The following UBAC2 variants were observed in gnomAD, a reference collection of about 807,000 sequenced individuals.
The protein encoded by UBAC2 is UBA domain containing 2.
Under a neutral mutation model 44.0 loss-of-function variants are expected in UBAC2, and 26 were observed. The observed-to-expected ratio is 0.59, with a 90% CI of 0.43 to 0.82. The LOEUF is 0.82. Ranked by LOEUF, UBAC2 falls within the 40% of genes least tolerant of loss-of-function variation. UBAC2 has a pLI of 0.00. For missense variants in UBAC2, 329 were observed against 419.4 expected, an observed-to-expected ratio of 0.78 and a Z score of 1.88; for synonymous variants, 155 against 154.3, an observed-to-expected ratio of 1.00 and a Z score of -0.04.
At chr13:99,294,999 G>C in intron 4 of UBAC2, 4 of 1,521,416 alleles carry the variant, frequency 2.6e-6, no homozygotes, top group Non-Finnish European at 3.5e-6. Context: ...TGCTTTATAA[G>C]GGAAGTCCTG....
At chr13:99,212,053 A>C (rs1295093249) in intron 1 of UBAC2, among the ~76,000 whole-genome samples, 4 of 152,188 alleles carry the variant, frequency 2.6e-5, no homozygotes, top group African/African-American at 9.7e-5. Context: ...AGTGCTCTAC[A>C]GTTGTTTTTA....
At chr13:99,338,876 ACT>A (rs1247635507) in intron 6 of UBAC2, among the ~76,000 whole-genome samples, 2 of 151,956 alleles carry the variant, frequency 1.3e-5, no homozygotes, top group African/African-American at 2.4e-5. Flanking sequence ...TGATAACTAA[ACT>A]CTATTTCCCT....
chr13:99,322,004 T>G (rs143721003), intron 6 of UBAC2, among the ~76,000 whole-genome samples: 1 of 152,364 alleles, frequency 6.6e-6, no homozygotes, highest in Non-Finnish European at 1.5e-5. Flanking sequence ...ACCTTTTTCC[T>G]CATTTGACAG....
intron 1 of UBAC2, among the ~76,000 whole-genome samples, chr13:99,210,764 A>T (rs1355837566): frequency 6.6e-6 from 1 of 152,014 alleles, no homozygotes; most frequent in Non-Finnish European, 1.5e-5. Flanking sequence ...GGCTTGAACC[A>T]CCACGCCTGA....
intron 7 of UBAC2, among the ~76,000 whole-genome samples, chr13:99,345,725 G>A (rs192105776): frequency 9.0e-4 from 133 of 147,730 alleles, no homozygotes; most frequent in African/African-American, 3.1e-3. Context: ...GACAGGTACT[G>A]TTTCTTTTTT....
chr13:99,292,137 T>C (rs1650091125), intron 4 of UBAC2, among the ~76,000 whole-genome samples: 1 of 151,870 alleles, frequency 6.6e-6, no homozygotes, highest in African/African-American at 2.4e-5. Flanking sequence ...CTTTTTTTTT[T>C]CTTTTCTTTT....
intron 4 of UBAC2, among the ~76,000 whole-genome samples, chr13:99,257,183 A>T (rs1400075145): frequency 6.6e-6 from 1 of 152,156 alleles, no homozygotes; most frequent in Non-Finnish European, 1.5e-5. Context: ...CTATATATTT[A>T]AAAACATATT....
In UBAC2 at chr13:99,273,338, G is replaced by A. The variant is rs150371999; in HGVS notation, c.389+28714G>A. Among the ~76,000 whole-genome samples the A allele has an allele frequency of 9.3e-4, 141 of 152,244 alleles. 1 individual carries two copies. The highest frequency in any genetic ancestry group is 3.2e-3 in the African/African-American group (133 of 41,538). ...GCAGAGTCAGATTAGGTTAAGAGGG[G>A]CAGTGAGCACCCAGGATAGAGAATC... is the stretch of plus-strand genomic sequence containing the variant. On this transcript the variant is annotated intron_variant, in intron 4 of 8. Transcript: ENST00000403766.
At chr13:99,209,357 CAG>C (rs1399504899) in intron 1 of UBAC2, among the ~76,000 whole-genome samples, 6 of 152,204 alleles carry the variant, frequency 3.9e-5, no homozygotes, top group South Asian at 2.1e-4. Flanking sequence ...CTGTGGGAAT[CAG>C]GGGACTGCCT....
chr13:99,356,165 G>A (rs373350242), intron 7 of UBAC2: 1 of 534,608 alleles, frequency 1.9e-6, no homozygotes, highest in Non-Finnish European at 3.8e-6. Flanking sequence ...AGGGGCTGTT[G>A]GGTTGCATCC....
At chr13:99,302,525 G>C (rs115754415) in intron 4 of UBAC2, among the ~76,000 whole-genome samples, 1 of 152,156 alleles carries the variant, frequency 6.6e-6, no homozygotes, top group African/African-American at 2.4e-5. Flanking sequence ...ATTTGAAAAC[G>C]CCTTCTTGTT....
intron 4 of UBAC2, chr13:99,258,630 A>T (rs1755608059): frequency 6.6e-6 from 1 of 152,210 alleles, no homozygotes; most frequent in African/African-American, 2.4e-5. Context: ...GGGGGTTTAA[A>T]GTCTAGCTTC....
At chr13:99,284,625 A>G (rs1374201352) in intron 4 of UBAC2, among the ~76,000 whole-genome samples, 1 of 152,234 alleles carries the variant, frequency 6.6e-6, no homozygotes, top group Non-Finnish European at 1.5e-5. Flanking sequence ...CACATCTGGC[A>G]ATTGTCCAAA....
chr13:99,245,972 G>A (rs889833095), intron 4 of UBAC2, among the ~76,000 whole-genome samples: 1 of 152,196 alleles, frequency 6.6e-6, no homozygotes, highest in Non-Finnish European at 1.5e-5. Context: ...TGGGAAATGA[G>A]ATAGTATGAA....
Position 99,217,537 on chromosome 13 carries a change from G to A in UBAC2, c.31+16598G>A, listed in dbSNP as rs1284368818. Among the ~76,000 whole-genome samples the A allele has an allele frequency of 2.6e-5, 4 of 152,270 alleles. No homozygotes were observed. The Middle Eastern group carries it at 0.014, about 518-fold the overall frequency. On this transcript the variant is annotated intron_variant, in intron 1 of 8. Transcript: ENST00000403766. ...GGCAGCCTTACTTGTCACCCTGTTT[G>A]GTTGAGTCCGACTTCTTGGGTCCTT... is the stretch of plus-strand genomic sequence containing the variant.
chr13:99,369,182 C>T (rs1163684366), intron 8 of UBAC2, among the ~76,000 whole-genome samples: 1 of 152,026 alleles, frequency 6.6e-6, no homozygotes, highest in East Asian at 1.9e-4. Context: ...TTGCAAGCAT[C>T]GTAATAAAAA....
At chr13:99,271,934 A>C (rs1468604136) in intron 4 of UBAC2, among the ~76,000 whole-genome samples, 1 of 152,190 alleles carries the variant, frequency 6.6e-6, no homozygotes, top group African/African-American at 2.4e-5. Context: ...TAGGCCACAA[A>C]TTCAGGTATG....
chr13:99,265,856 C>G (rs944011088), intron 4 of UBAC2, among the ~76,000 whole-genome samples: 3 of 152,142 alleles, frequency 2.0e-5, no homozygotes, highest in African/African-American at 7.2e-5. Context: ...TTGGGATTGG[C>G]TGTGTAGAGG....
intron 4 of UBAC2, among the ~76,000 whole-genome samples, chr13:99,285,521 T>G (rs909373815): frequency 6.6e-6 from 1 of 151,984 alleles, no homozygotes; most frequent in African/African-American, 2.4e-5. Flanking sequence ...GCCTCCTGAG[T>G]AGCTAGGACT....
Sources: allele counts gnomAD v4.1 joint callset (sites outside exome capture counted in the v4.1 genomes callset), GRCh38; gene constraint gnomAD v4.1.1; transcripts MANE v1.5; gene names NCBI Gene and HGNC (gene_info 2026-07-23, HGNC 2026-07-21).